The following CCSER1 variants were observed in gnomAD, a reference collection of about 807,000 sequenced individuals.
The protein encoded by CCSER1 is serine-rich coiled-coil domain-containing protein 1.
A neutral mutation model predicts 82.0 loss-of-function variants in CCSER1; 41 were observed. The observed-to-expected ratio is 0.50, with a 90% confidence interval of 0.39 to 0.65. The LOEUF is 0.65. Among genes scored for constraint, CCSER1 ranks in the 30% least tolerant of loss-of-function variants. The pLI is 0.00. For missense variants in CCSER1, 1,119 were observed against 1,064.2 expected (o/e 1.05, Z -0.72); for synonymous variants, 414 against 383.9 (o/e 1.08, Z -0.92).
chr4:90,555,843 C>T (rs1224605457), intron 5 of CCSER1, among the ~76,000 whole-genome samples: 3 of 152,018 alleles, frequency 2.0e-5, no homozygotes, highest in African/African-American at 7.2e-5. Flanking sequence ...GAACATCATA[C>T]ATCTTAGATT....
chr4:91,359,150 T>C (rs1256081838), intron 10 of CCSER1, among the ~76,000 whole-genome samples: 1 of 151,810 alleles, frequency 6.6e-6, no homozygotes, highest in Non-Finnish European at 1.5e-5. Flanking sequence ...AGCAAGCAGG[T>C]GGTATGTGAC....
chr4:91,209,018 G>A lies in CCSER1; in HGVS notation c.2217+123024G>A, dbSNP rs114093313. ...TTCTCATTTGGCTCTTGCCTTGGGTGCTGTTAGTGTATAGGAATGCTACTA... is the reference window on the plus strand; with the variant it reads ...TTCTCATTTGGCTCTTGCCTTGGGTACTGTTAGTGTATAGGAATGCTACTA... On this transcript the variant is annotated intron_variant, in intron 10 of 10. Transcript: ENST00000509176. 6.9e-3 allele frequency among the ~76,000 whole-genome samples: 1,051 copies of A among 151,840 alleles called. 11 individuals carry two copies. The highest frequency in any genetic ancestry group is 0.024 in the African/African-American group (988 of 41,472).
At chr4:90,891,441 T>G (rs1428775731) in intron 8 of CCSER1, among the ~76,000 whole-genome samples, 1 of 151,646 alleles carries the variant, frequency 6.6e-6, no homozygotes, top group African/African-American at 2.4e-5. Flanking sequence ...TATACATATC[T>G]AATTTTTAAA....
At chr4:91,349,348 T>A (rs1748305553) in intron 10 of CCSER1, among the ~76,000 whole-genome samples, 1 of 152,184 alleles carries the variant, frequency 6.6e-6, no homozygotes, top group South Asian at 2.1e-4. Flanking sequence ...CTGTTGGGTT[T>A]GAGTTACCTA....
intron 7 of CCSER1, among the ~76,000 whole-genome samples, chr4:90,792,506 GC>G (rs1755396619): frequency 6.6e-6 from 1 of 152,186 alleles, no homozygotes; most frequent in African/African-American, 2.4e-5. Context: ...AGATGGCTCA[GC>G]TTCTTTCTTC....
At chr4:91,327,430 C>A (rs1403808934) in intron 10 of CCSER1, among the ~76,000 whole-genome samples, 2 of 152,136 alleles carry the variant, frequency 1.3e-5, no homozygotes, top group African/African-American at 4.8e-5. Context: ...TCTGGGATGC[C>A]AGGCACCATG....
chr4:90,656,541 C>G (rs2149073685), intron 6 of CCSER1, among the ~76,000 whole-genome samples: 2 of 151,758 alleles, frequency 1.3e-5, no homozygotes, highest in South Asian at 2.1e-4. Flanking sequence ...TGCATTTGCT[C>G]ATTTTTATAT....
chr4:91,167,905 G>A (rs996916254), intron 10 of CCSER1, among the ~76,000 whole-genome samples: 2 of 151,460 alleles, frequency 1.3e-5, no homozygotes, highest in Admixed American at 6.6e-5. Flanking sequence ...CCTCTGCCCG[G>A]CCGCCACCCC....
At chr4:91,204,838 A>C (rs1486142730) in intron 10 of CCSER1, among the ~76,000 whole-genome samples, 1 of 151,744 alleles carries the variant, frequency 6.6e-6, no homozygotes, top group African/African-American at 2.4e-5. Flanking sequence ...ATCATAACTA[A>C]AGAAAAATAT....
chr4:90,673,625 C>T (rs973400118), intron 6 of CCSER1, among the ~76,000 whole-genome samples: 5 of 151,942 alleles, frequency 3.3e-5, no homozygotes, highest in African/African-American at 4.8e-5. Context: ...AATACTCTCC[C>T]AACCTAGAAA....
At position 90,795,899 on chromosome 4, in the gene CCSER1, G is replaced by A. The variant is rs569171807; in HGVS notation, c.2011-19863G>A. 1.4e-4 allele frequency among the ~76,000 whole-genome samples: 22 copies of A among 151,886 alleles called. No individual in the cohort carries two copies. In the East Asian group the frequency reaches 4.3e-3, roughly 29 times the overall value. On this transcript the variant is annotated intron_variant, in intron 7 of 10. Transcript: ENST00000509176. Reference sequence around the variant, plus strand: ...ATGTGCTGCTGGATTTGTTTTGCCAGTATTTTTTTGAGAATTTGTGCATCA... The same window carrying A: ...ATGTGCTGCTGGATTTGTTTTGCCAATATTTTTTTGAGAATTTGTGCATCA...
At chr4:90,589,628 A>T (rs1782451399) in intron 5 of CCSER1, among the ~76,000 whole-genome samples, 1 of 152,146 alleles carries the variant, frequency 6.6e-6, no homozygotes, top group South Asian at 2.1e-4. Context: ...ATTTATTATG[A>T]TAAAATGTTG....
chr4:90,862,905 G>GTAT (rs1765267721), intron 8 of CCSER1, among the ~76,000 whole-genome samples: 1 of 83,002 alleles, frequency 1.2e-5, no homozygotes. Context: ...ACTATTTTTT[G>GTAT]TCTTTTTTTT....
intron 10 of CCSER1, among the ~76,000 whole-genome samples, chr4:91,253,824 C>T (rs72670914): frequency 0.11 from 16,043 of 152,012 alleles, 870 homozygotes; most frequent in African/African-American, 0.11. Flanking sequence ...GGGAGTGAGA[C>T]GTCACACATG....
chr4:90,808,105 G>C (rs934378707), intron 7 of CCSER1, among the ~76,000 whole-genome samples: 1 of 152,090 alleles, frequency 6.6e-6, no homozygotes, highest in Admixed American at 6.6e-5. Context: ...ACAGCCAGCT[G>C]ATCTTTGACA....
chr4:91,545,284 G>A (rs1258254329), intron 10 of CCSER1, among the ~76,000 whole-genome samples: 1 of 152,068 alleles, frequency 6.6e-6, no homozygotes, highest in Non-Finnish European at 1.5e-5. Flanking sequence ...CCTGGGTGAG[G>A]TGATGCCCCG....
At chr4:91,290,636 T>A (rs1178984203) in intron 10 of CCSER1, among the ~76,000 whole-genome samples, 2 of 151,976 alleles carry the variant, frequency 1.3e-5, no homozygotes, top group African/African-American at 4.8e-5. Flanking sequence ...TATACCTCAA[T>A]GATTATAGTA....
chr4:91,035,607 T>A (rs1055193459), intron 9 of CCSER1, among the ~76,000 whole-genome samples: 1 of 152,160 alleles, frequency 6.6e-6, no homozygotes, highest in African/African-American at 2.4e-5. Context: ...TTTTAAAAAA[T>A]TTTTACAATA....
intron 6 of CCSER1, among the ~76,000 whole-genome samples, chr4:90,683,518 A>G (rs1734265110): frequency 6.6e-6 from 1 of 152,050 alleles, no homozygotes; most frequent in Admixed American, 6.6e-5. Context: ...AAATCTTACC[A>G]ATTGCTAAAA....
Sources: gnomAD v4.1 joint callset for allele counts (sites outside exome capture counted in the v4.1 genomes callset) on GRCh38, gnomAD v4.1.1 for gene constraint, MANE v1.5 for transcripts, NCBI Gene and HGNC (gene_info 2026-07-23, HGNC 2026-07-21) for gene names.